Variants in ZNF208 observed in about 807,000 individuals in gnomAD.
ZNF208 encodes the protein zinc finger protein 95.
Under a neutral mutation model 12.1 loss-of-function variants are expected in ZNF208, and 10 were observed. That is an observed-to-expected ratio of 0.83 (90% CI 0.51 to 1.40). ZNF208 has a LOEUF of 1.40. Ranked by LOEUF, ZNF208 falls within the 40% of genes most tolerant of loss-of-function variation. The probability of loss-of-function intolerance (pLI) is 0.00; values close to 1 mark genes in which losing one functional copy is unlikely to be tolerated. For synonymous variants in ZNF208, 497 were observed against 488.4 expected (o/e 1.02, Z -0.23); for missense variants, 1,652 against 1,485.0 (o/e 1.11, Z -1.85).
chr19:21,961,493 C>T (rs2522102), downstream of ZNF208, among the ~76,000 whole-genome samples: 93,604 of 151,742 alleles, frequency 0.62, 29,575 homozygotes, highest in African/African-American at 0.74. Context: ...GATAAACATC[C>T]TAAACAACAG....
chr19:21,958,520 T>C (rs1313315638), intron 4 of ZNF208, among the ~76,000 whole-genome samples: 1 of 152,156 alleles, frequency 6.6e-6, no homozygotes, highest in Non-Finnish European at 1.5e-5. Context: ...TCTTAGCAAA[T>C]ATAACTATAG....
rs377270385 is a variant in ZNF208, at chr19:21,972,183, C to T, written c.2851G>A (p.Gly951Ser). ...GTTGAGGATGACTTATAGGCTTTGCCACATGCTTCACATTTGTAGAATTTC... is the reference window on the plus strand; with the variant it reads ...GTTGAGGATGACTTATAGGCTTTGCTACATGCTTCACATTTGTAGAATTTC... ...GEKFYKCEAC[G>S]KAYKSSSTLS... The change falls in exon 4 of 4, where the codon GGC (glycine) becomes AGC (serine). Residue 951 changes from glycine (G) to serine (S), a missense_variant. Gly to Ser is a moderately conservative substitution (Grantham distance 56, BLOSUM62 0). Around this residue, in one of 3 missense-constraint regions of ZNF208, gnomAD observed 1,239 missense variants for 1,086.2 expected, o/e 1.14. Coordinates refer to ENST00000397126, the MANE Select transcript of ZNF208 (RefSeq NM_007153.3). 1.2e-6 allele frequency: 2 copies of T among 1,608,082 alleles called. No individual in the cohort carries two copies. Among genetic ancestry groups the T allele is most frequent in the African/African-American group, 1.3e-5 (1 of 74,518 alleles).
rs534554010 is a variant in ZNF208 at position 21,956,107 on chromosome 19, G to A, written c.305+18622C>T. 6.6e-5 allele frequency among the ~76,000 whole-genome samples: 10 copies of A among 152,364 alleles called. No individual in the cohort carries two copies. The South Asian group carries it at 1.0e-3, about 16-fold the overall frequency. ...TGTAGTTTGCTGGAGGTCCACTCCA[G>A]ACCCTGTTTGCCTGGGTATCACCAG... On this transcript the variant is annotated intron_variant, in intron 4 of 4. Transcript: ENST00000599916.
rs766599678 is a variant in ZNF208 at position 21,974,536 on chromosome 19, CCTTAT to C, written c.493_497del (p.Ile165AlafsTer10). The stretch of plus-strand genomic sequence containing the variant: ...ATTGCAAATGTTTCTTTCCAGTATG[CCTTAT>C]CTTATGTCTGTTTGAATTTGAACAT... On this transcript the variant is annotated frameshift_variant, in exon 4 of 4. Transcript: ENST00000397126. LOFTEE classifies it low-confidence loss of function (END_TRUNC). The C allele has an allele frequency of 2.4e-5, 38 of 1,613,610 alleles. No individual in the cohort carries two copies. Among genetic ancestry groups the C allele is most frequent in the South Asian group, 6.6e-5 (6 of 91,068 alleles).
intron 4 of ZNF208, among the ~76,000 whole-genome samples, chr19:21,956,989 T>G (rs1253720975): frequency 6.6e-6 from 1 of 152,202 alleles, no homozygotes; most frequent in Non-Finnish European, 1.5e-5. Flanking sequence ...TTATAAATAT[T>G]CTTAACTTGT....
intron 2 of ZNF208, 148 bp from the exon 3 acceptor site, chr19:21,987,459 TG>T (rs201312430): frequency 1.1e-6 from 1 of 917,156 alleles, no homozygotes; most frequent in Non-Finnish European, 1.5e-6. Context: ...AAAAGGCTTA[TG>T]GGGTGCCTGT....
intron 1 of ZNF208, among the ~76,000 whole-genome samples, chr19:22,000,300 C>T (rs1970921915): frequency 6.6e-6 from 1 of 152,098 alleles, no homozygotes; most frequent in African/African-American, 2.4e-5. Context: ...ATTGACCACA[C>T]AATCAGAAAC....
intron 1 of ZNF208, among the ~76,000 whole-genome samples, chr19:22,001,100 A>T (rs2145581801): frequency 6.6e-6 from 1 of 152,208 alleles, no homozygotes; most frequent in Non-Finnish European, 1.5e-5. Flanking sequence ...ACCAGCCTCA[A>T]CCTGGGGAAA....
In ZNF208 at chr19:21,973,269, C is replaced by G. The variant is rs1407205020; in HGVS notation, c.1765G>C (p.Ala589Pro). 6 of 1,611,964 alleles carry G rather than the reference C, an allele frequency of 3.7e-6. No homozygotes were observed. Among genetic ancestry groups the G allele is most frequent in the Non-Finnish European group, 5.1e-6 (6 of 1,179,514 alleles). ...KPYKCEECGK[A>P]FNQSAILIKH... Reference sequence around the variant, plus strand: ...ATAAGAATTGCAGATTGGTTAAAAGCTTTGCCACATTCTTCACATTTGTAG... The same window carrying G: ...ATAAGAATTGCAGATTGGTTAAAAGGTTTGCCACATTCTTCACATTTGTAG... Residue 589 changes from alanine to proline, a missense_variant, in exon 4 of 4, where the codon GCT becomes CCT. Around this residue, in one of 3 missense-constraint regions of ZNF208, gnomAD observed 1,239 missense variants for 1,086.2 expected, o/e 1.14. Coordinates refer to ENST00000397126, the MANE Select transcript of ZNF208 (RefSeq NM_007153.3).
intron 4 of ZNF208, among the ~76,000 whole-genome samples, chr19:21,948,005 G>A (rs1360013912): frequency 6.6e-6 from 1 of 152,092 alleles, no homozygotes; most frequent in African/African-American, 2.4e-5. Context: ...TCGCATCCAT[G>A]GGTAACATCT....
downstream of ZNF208, among the ~76,000 whole-genome samples, chr19:21,962,306 A>G (rs1970084985): frequency 6.6e-6 from 1 of 152,154 alleles, no homozygotes; most frequent in African/African-American, 2.4e-5. Context: ...GTCTAGCTGT[A>G]TGGTGAAAAG....
At chr19:21,957,556 C>T (rs1969995940) in intron 4 of ZNF208, among the ~76,000 whole-genome samples, 1 of 152,126 alleles carries the variant, frequency 6.6e-6, no homozygotes, top group African/African-American at 2.4e-5. Flanking sequence ...TTCCAACAGA[C>T]TTAGAAACAC....
downstream of ZNF208, among the ~76,000 whole-genome samples, chr19:21,964,393 TTAG>T (rs760073008): frequency 5.3e-5 from 8 of 151,810 alleles, no homozygotes; most frequent in Non-Finnish European, 7.4e-5. Flanking sequence ...AAGCAACTGT[TTAG>T]AGTAAAATTC....
At chr19:21,959,239 A>G (rs561481194) in intron 4 of ZNF208, among the ~76,000 whole-genome samples, 10 of 152,316 alleles carry the variant, frequency 6.6e-5, no homozygotes, top group Non-Finnish European at 1.5e-4. Context: ...TGAATACAGC[A>G]ACATAATACT....
Position 21,971,391 on chromosome 19 carries a change from G to T in ZNF208, c.3643C>A (p.His1215Asn), listed in dbSNP as rs1970279423. 6.2e-7 allele frequency: 1 copy of T among 1,609,730 alleles called. No homozygotes were observed. The highest frequency in any genetic ancestry group is 1.7e-5 in the Admixed American group (1 of 59,802). ...AYKWPSTLRYHKKIHTGEKPY... is the reference protein window; with the variant it reads ...AYKWPSTLRYNKKIHTGEKPY... ...TTCTCTCCAGTATGAATTTTCTTGTGATATCTAAGGGTTGAGGGCCACTTA... is the reference window on the plus strand; with the variant it reads ...TTCTCTCCAGTATGAATTTTCTTGTTATATCTAAGGGTTGAGGGCCACTTA... Residue 1215 changes from histidine (H) to asparagine (N), a missense_variant, in exon 4 of 4, where the codon CAC (histidine) becomes AAC (asparagine). By Grantham distance (68) the His-to-Asn change is moderately conservative. Around this residue, in one of 3 missense-constraint regions of ZNF208, gnomAD observed 1,239 missense variants for 1,086.2 expected, o/e 1.14. Transcript: ENST00000397126.
chr19:21,975,933 C>A (rs1970423399), intron 3 of ZNF208, among the ~76,000 whole-genome samples: 1 of 144,650 alleles, frequency 6.9e-6, no homozygotes, highest in Non-Finnish European at 1.5e-5. Context: ...TAACTAAATT[C>A]TTAAGAAGTA....
chr19:21,973,758 TG>T lies in ZNF208; in HGVS notation c.1275del (p.Tyr425Ter). ...HEVIHTGEKP[Y>X]KCEECGKAFN... ...AAAGCTTTGCCACATTCTTCACATT[TG>T]TAGGGTTTCTCTCCAGTATGAATGA... On this transcript the variant is annotated frameshift_variant, in exon 4 of 4. Coordinates refer to ENST00000397126, the MANE Select transcript of ZNF208 (RefSeq NM_007153.3). LOFTEE classifies it low-confidence loss of function (END_TRUNC). The T allele has an allele frequency of 6.2e-7, 1 of 1,606,290 alleles. No individual in the cohort carries two copies. Among genetic ancestry groups the T allele is most frequent in the South Asian group, 1.1e-5 (1 of 90,772 alleles).
downstream of ZNF208, among the ~76,000 whole-genome samples, chr19:21,963,750 C>A (rs1289412789): frequency 6.6e-6 from 1 of 151,826 alleles, no homozygotes; most frequent in Admixed American, 6.6e-5. Flanking sequence ...TTAATTTACT[C>A]TAAATTGAGA....
chr19:21,953,242 C>T (rs1422358267), intron 4 of ZNF208, among the ~76,000 whole-genome samples: 2 of 152,168 alleles, frequency 1.3e-5, no homozygotes, highest in African/African-American at 4.8e-5. Flanking sequence ...AGATGCTCTT[C>T]AGGATATTAG....
Sources: gnomAD v4.1 joint callset for allele counts (sites outside exome capture counted in the v4.1 genomes callset) on GRCh38, gnomAD v4.1.1 for gene constraint, gnomAD v4.1.1 regional missense constraint, MANE v1.5 for transcripts, NCBI Gene and HGNC (gene_info 2026-07-23, HGNC 2026-07-21) for gene names.